Variants in LHFPL3 observed in about 807,000 individuals in gnomAD.
LHFPL3 encodes the protein LHFPL tetraspan subfamily member 3, also known as LHFPL tetraspan subfamily member 3 protein.
Under a neutral mutation model 19.3 loss-of-function variants are expected in LHFPL3, and 5 were observed. The ratio of observed to expected loss-of-function variants is 0.26; its 90% CI spans 0.14 to 0.54. The LOEUF (loss-of-function observed/expected upper bound fraction) is 0.54. LHFPL3 is among the 20% of genes least tolerant of loss of function. LHFPL3 has a pLI of 0.94. For missense variants in LHFPL3, 249 were observed against 307.4 expected, an observed-to-expected ratio of 0.81 and a Z score of 1.42; for synonymous variants, 133 against 126.2, an observed-to-expected ratio of 1.05 and a Z score of -0.36.
chr7:104,886,297 G>C (rs924824751), intron 2 of LHFPL3, among the ~76,000 whole-genome samples: 2 of 152,198 alleles, frequency 1.3e-5, no homozygotes, highest in Middle Eastern at 3.2e-3. Context: ...ATGTAGGTAA[G>C]GATGGCCACT....
rs185760417 is a variant in LHFPL3, at chr7:104,594,169, G to A, written c.446-142506G>A. 1.8e-3 allele frequency among the ~76,000 whole-genome samples: 270 copies of A among 152,316 alleles called. 2 individuals carry two copies. Among genetic ancestry groups the A allele is most frequent in the African/African-American group, 6.1e-3 (252 of 41,564 alleles). The stretch of plus-strand genomic sequence containing the variant: ...AATTTGGCCTGTTCTTGCAGTGGCT[G>A]GTACTGGTTGTTCCTTTCCATGTAT... On this transcript the variant is annotated intron_variant, in intron 1 of 2. Coordinates refer to ENST00000424859, the MANE Select transcript of LHFPL3 (RefSeq NM_199000.3).
intron 1 of LHFPL3, among the ~76,000 whole-genome samples, chr7:104,686,643 G>T (rs544240804): frequency 6.6e-6 from 1 of 152,228 alleles, no homozygotes; most frequent in African/African-American, 2.4e-5. Flanking sequence ...TGAGGGCTCA[G>T]TCTCACAAGA....
At chr7:104,755,318 A>AG (rs1306400951) in intron 2 of LHFPL3, among the ~76,000 whole-genome samples, 1 of 152,124 alleles carries the variant, frequency 6.6e-6, no homozygotes, top group African/African-American at 2.4e-5. Context: ...CCCCATACAC[A>AG]GGGGAAAAGC....
At chr7:104,759,621 A>G (rs568501464) in intron 2 of LHFPL3, 9 of 152,316 alleles carry the variant, frequency 5.9e-5, no homozygotes, top group African/African-American at 2.2e-4. Flanking sequence ...TTCACTCAGT[A>G]CAAGACACCA....
At chr7:104,762,237 AAAG>A (rs1487399168) in intron 2 of LHFPL3, among the ~76,000 whole-genome samples, 1 of 152,148 alleles carries the variant, frequency 6.6e-6, no homozygotes, top group Non-Finnish European at 1.5e-5. Context: ...GAAGGAAGTA[AAAG>A]AAGGACTCAA....
chr7:104,422,149 T>A (rs192336711), intron 1 of LHFPL3, among the ~76,000 whole-genome samples: 106 of 152,206 alleles, frequency 7.0e-4, no homozygotes, highest in African/African-American at 2.5e-3. Flanking sequence ...TCATTGGAGG[T>A]CAGGAGTTCA....
chr7:104,898,306 C>T (rs778847504), intron 2 of LHFPL3, among the ~76,000 whole-genome samples: 15 of 151,894 alleles, frequency 9.9e-5, no homozygotes, highest in African/African-American at 2.4e-4. Flanking sequence ...TGTGCCCAGC[C>T]GAAATCTCAC....
chr7:104,508,508 T>G (rs1053397024), intron 1 of LHFPL3, among the ~76,000 whole-genome samples: 7 of 149,952 alleles, frequency 4.7e-5, no homozygotes, highest in African/African-American at 1.7e-4. Flanking sequence ...TACCTAATGC[T>G]AGATGACGAG....
At chr7:104,526,569 T>TAGTTAGG (rs1263047702) in intron 1 of LHFPL3, among the ~76,000 whole-genome samples, 1 of 152,236 alleles carries the variant, frequency 6.6e-6, no homozygotes, top group Non-Finnish European at 1.5e-5. Flanking sequence ...CAATCTCCAT[T>TAGTTAGG]GCTGTGACAT....
At chr7:104,350,873 A>T (rs1399844685) in intron 1 of LHFPL3, among the ~76,000 whole-genome samples, 1 of 151,956 alleles carries the variant, frequency 6.6e-6, no homozygotes, top group Non-Finnish European at 1.5e-5. Flanking sequence ...AACCCCGTCT[A>T]TACTAAAAAT....
chr7:104,880,941 C>T lies in LHFPL3; in HGVS notation c.683-25246C>T, dbSNP rs575984714. ...ATCCCAGCACTTTGGGAGGCCAAGG[C>T]GGGTGAATCACGAGGTCAGGAGATC... On this transcript the variant is annotated intron_variant, in intron 2 of 2. Coordinates refer to ENST00000424859, the MANE Select transcript of LHFPL3 (RefSeq NM_199000.3). 2.2e-4 allele frequency among the ~76,000 whole-genome samples: 34 copies of T among 152,150 alleles called. No individual in the cohort carries two copies. The South Asian group carries it at 3.9e-3, about 18-fold the overall frequency.
intron 1 of LHFPL3, among the ~76,000 whole-genome samples, chr7:104,491,083 G>C (rs1156762393): frequency 3.3e-5 from 5 of 152,164 alleles, no homozygotes; most frequent in African/African-American, 1.2e-4. Flanking sequence ...GCAGGTCTCA[G>C]AGAACAGAAG....
chr7:104,691,589 T>G (rs113629454), intron 1 of LHFPL3, among the ~76,000 whole-genome samples: 1 of 152,106 alleles, frequency 6.6e-6, no homozygotes, highest in African/African-American at 2.4e-5. Flanking sequence ...TGTGTGATTA[T>G]GTACTGATTC....
chr7:104,852,369 C>G (rs574344601), intron 2 of LHFPL3, among the ~76,000 whole-genome samples: 2 of 152,274 alleles, frequency 1.3e-5, no homozygotes, highest in Middle Eastern at 6.8e-3. Flanking sequence ...CAGTGGGGAT[C>G]AGGACACTAG....
At chr7:104,748,349 G>C (rs1794090756) in intron 2 of LHFPL3, among the ~76,000 whole-genome samples, 1 of 147,952 alleles carries the variant, frequency 6.8e-6, no homozygotes, top group East Asian at 2.1e-4. Context: ...TAAAGGGTCT[G>C]TGCTGAGGAG....
At chr7:104,776,177 TC>T (rs1276385200) in intron 2 of LHFPL3, among the ~76,000 whole-genome samples, 3 of 152,322 alleles carry the variant, frequency 2.0e-5, no homozygotes. Flanking sequence ...AGCAAGTCAC[TC>T]TGTGAGCCCA....
At chr7:104,411,770 T>C (rs1326511512) in intron 1 of LHFPL3, among the ~76,000 whole-genome samples, 4 of 152,184 alleles carry the variant, frequency 2.6e-5, no homozygotes, top group Non-Finnish European at 4.4e-5. Flanking sequence ...CAAAGAAATA[T>C]GTTCGCTTTA....
chr7:104,840,380 A>G (rs1169372681), intron 2 of LHFPL3, among the ~76,000 whole-genome samples: 1 of 148,352 alleles, frequency 6.7e-6, no homozygotes, highest in Non-Finnish European at 1.5e-5. Context: ...CAGCGGCACA[A>G]TCGCGACTAT....
chr7:104,704,499 T>A (rs751665647), intron 1 of LHFPL3, among the ~76,000 whole-genome samples: 29 of 150,408 alleles, frequency 1.9e-4, no homozygotes, highest in Middle Eastern at 3.2e-3. Flanking sequence ...ATATCTTTTC[T>A]TTCCATTTCC....
Sources: gnomAD v4.1 joint callset for allele counts (sites outside exome capture counted in the v4.1 genomes callset) on GRCh38, gnomAD v4.1.1 for gene constraint, MANE v1.5 for transcripts, NCBI Gene and HGNC (gene_info 2026-07-23, HGNC 2026-07-21) for gene names.